Variants in PTPRN2 observed in about 807,000 individuals in gnomAD.
The protein encoded by PTPRN2 is receptor-type tyrosine-protein phosphatase N2.
In PTPRN2, 74 loss-of-function variants were observed where a neutral mutation model predicts 118.8. The ratio of observed to expected loss-of-function variants is 0.62; its 90% CI spans 0.52 to 0.76. The LOEUF (loss-of-function observed/expected upper bound fraction) is 0.76, where lower values mean the gene tolerates loss of function less well. Among genes scored for constraint, PTPRN2 ranks in the 30% least tolerant of loss-of-function variants. The pLI is 0.00. For missense variants in PTPRN2, 1,481 were observed against 1,394.4 expected, an observed-to-expected ratio of 1.06 and a Z score of -0.99; for synonymous variants, 641 against 608.0, an observed-to-expected ratio of 1.05 and a Z score of -0.80.
At chr7:157,642,838 A>AAAAAAAAAAAAAAAAC (rs1804777731) in intron 14 of PTPRN2, among the ~76,000 whole-genome samples, 2 of 147,736 alleles carry the variant, frequency 1.4e-5, no homozygotes, top group Non-Finnish European at 1.5e-5. Context: ...AAAAAAAAAA[A>AAAAAAAAAAAAAAAAC]AAAAAAGCAG....
At chr7:158,481,124 G>A (rs191837273) in intron 2 of PTPRN2, among the ~76,000 whole-genome samples, 1 of 152,368 alleles carries the variant, frequency 6.6e-6, no homozygotes, top group Non-Finnish European at 1.5e-5. Context: ...TCTCTTGTGA[G>A]GAGCTGATGC....
rs1385527849 is a variant in PTPRN2, at chr7:157,787,514, G to T, written c.1789-104577C>A. ...AGGGGGCTTCCCCACAGTCTAGGGG[G>T]CCAGGAGAGCCCCTGGGCCTCACGT... is the stretch of plus-strand genomic sequence containing the variant. On this transcript the variant is annotated intron_variant, in intron 12 of 22. Coordinates refer to ENST00000389418, the MANE Select transcript of PTPRN2 (RefSeq NM_002847.5). The surrounding 1 kb of genome is among the most constrained non-coding windows in gnomAD (Gnocchi z 5.3). 2.6e-5 allele frequency among the ~76,000 whole-genome samples: 4 copies of T among 152,150 alleles called. No individual in the cohort carries two copies. The highest frequency in any genetic ancestry group is 9.7e-5 in the African/African-American group (4 of 41,442).
chr7:158,057,800 C>G (rs1273708381), intron 11 of PTPRN2, among the ~76,000 whole-genome samples: 1 of 152,240 alleles, frequency 6.6e-6, no homozygotes, highest in African/African-American at 2.4e-5. Flanking sequence ...TGTTCATGTG[C>G]ACAAGGTCCA....
chr7:158,020,905 TCCC>T (rs1241199178), intron 11 of PTPRN2, among the ~76,000 whole-genome samples: 1 of 151,990 alleles, frequency 6.6e-6, no homozygotes, highest in Non-Finnish European at 1.5e-5. Flanking sequence ...TCACTCAGGC[TCCC>T]CCGACAGCCG....
chr7:158,041,782 A>C (rs898036709), intron 11 of PTPRN2, among the ~76,000 whole-genome samples: 6 of 152,224 alleles, frequency 3.9e-5, no homozygotes, highest in African/African-American at 1.4e-4. Flanking sequence ...AAGCGAAACG[A>C]GTATTGCATG....
intron 1 of PTPRN2, among the ~76,000 whole-genome samples, chr7:158,549,615 C>T (rs1392286412): frequency 2.0e-5 from 3 of 152,274 alleles, no homozygotes; most frequent in African/African-American, 7.2e-5. Context: ...GAGGAAGCAG[C>T]TGTGGGCCTG....
Position 158,555,267 on chromosome 7 carries a change from C to T in PTPRN2, c.112+32291G>A, listed in dbSNP as rs1826899427. On this transcript the variant is annotated intron_variant, in intron 1 of 22. Transcript: ENST00000389418. The surrounding 1 kb of genome is among the most constrained non-coding windows in gnomAD (Gnocchi z 4.7). Reference sequence around the variant, plus strand: ...TTACGACTGCAAGATCCCACAGCTGCCTTTTGGGGGAGGTTGGGGCTTATG... The same window carrying T: ...TTACGACTGCAAGATCCCACAGCTGTCTTTTGGGGGAGGTTGGGGCTTATG... Among the ~76,000 whole-genome samples, 1 of 152,230 alleles carries T rather than the reference C, an allele frequency of 6.6e-6. No individual in the cohort carries two copies. Among genetic ancestry groups the T allele is most frequent in the African/African-American group, 2.4e-5 (1 of 41,454 alleles).
intron 13 of PTPRN2, among the ~76,000 whole-genome samples, chr7:157,666,123 T>TA (rs1391521314): frequency 4.8e-5 from 7 of 147,358 alleles, no homozygotes; most frequent in Non-Finnish European, 8.9e-5. Flanking sequence ...CCCTAGAACT[T>TA]AAAGTATAAT....
intron 9 of PTPRN2, among the ~76,000 whole-genome samples, chr7:158,124,997 A>G (rs950219908): frequency 4.6e-5 from 7 of 152,216 alleles, no homozygotes; most frequent in African/African-American, 1.7e-4. Context: ...CCAGGGTGGG[A>G]GAAGGGAAGA....
chr7:157,948,930 C>T (rs1164354516), intron 11 of PTPRN2, among the ~76,000 whole-genome samples: 1 of 152,066 alleles, frequency 6.6e-6, no homozygotes. Context: ...AAATATAGTA[C>T]TCGTGGGATT....
At chr7:158,337,288 C>A (rs1417799765) in intron 2 of PTPRN2, among the ~76,000 whole-genome samples, 38 of 150,750 alleles carry the variant, frequency 2.5e-4, no homozygotes, top group African/African-American at 8.4e-4. Context: ...CACACTCTCA[C>A]CATAAGAGCT....
intron 2 of PTPRN2, among the ~76,000 whole-genome samples, chr7:158,327,604 C>T (rs1251201511): frequency 2.0e-5 from 3 of 152,226 alleles, no homozygotes; most frequent in African/African-American, 7.2e-5. Flanking sequence ...ACTACTCACA[C>T]TCAGAATAGC....
At chr7:157,858,156 C>G (rs1563179228) in intron 12 of PTPRN2, among the ~76,000 whole-genome samples, 41 of 63,452 alleles carry the variant, frequency 6.5e-4, no homozygotes, top group East Asian at 1.3e-3. Flanking sequence ...CCCGTCACCA[C>G]CCACACTCCT....
intron 2 of PTPRN2, among the ~76,000 whole-genome samples, chr7:158,340,635 A>C (rs1192813530): frequency 6.8e-3 from 420 of 62,072 alleles, no homozygotes; most frequent in Middle Eastern, 0.023. Flanking sequence ...CTCACACTCT[A>C]GCCATAAGAG....
At chr7:158,092,925 A>T (rs1332341827) in intron 10 of PTPRN2, among the ~76,000 whole-genome samples, 2 of 152,206 alleles carry the variant, frequency 1.3e-5, no homozygotes, top group African/African-American at 2.4e-5. Context: ...ACAACCACAA[A>T]ATTTGACCTA....
At chr7:157,815,632 G>C (rs1174660005) in intron 12 of PTPRN2, among the ~76,000 whole-genome samples, 1 of 152,222 alleles carries the variant, frequency 6.6e-6, no homozygotes, top group Non-Finnish European at 1.5e-5. Context: ...TCCTTTTAAA[G>C]GGACATTCGG....
intron 11 of PTPRN2, among the ~76,000 whole-genome samples, chr7:157,931,663 C>T (rs1799363791): frequency 6.9e-6 from 1 of 145,028 alleles, no homozygotes; most frequent in South Asian, 2.2e-4. Context: ...AGCTCTGGCT[C>T]TTACATGACG....
chr7:158,316,282 A>C (rs982324221), intron 3 of PTPRN2, among the ~76,000 whole-genome samples: 6 of 152,308 alleles, frequency 3.9e-5, no homozygotes, highest in South Asian at 2.1e-4. Context: ...TCCACACAGC[A>C]CTGCTTCTGA....
intron 12 of PTPRN2, among the ~76,000 whole-genome samples, chr7:157,716,457 C>T (rs1297390767): frequency 1.9e-5 from 2 of 103,790 alleles, no homozygotes; most frequent in South Asian, 3.2e-4. Context: ...TGCCTGGCCA[C>T]GTAGACTCTG....
Sources: gnomAD v4.1 joint callset for allele counts (sites outside exome capture counted in the v4.1 genomes callset) on GRCh38, gnomAD v4.1.1 for gene constraint, Gnocchi (gnomAD v3.1) non-coding constraint, MANE v1.5 for transcripts, NCBI Gene and HGNC (gene_info 2026-07-23, HGNC 2026-07-21) for gene names.